MCM9: variants seen among roughly 807,000 people sequenced by gnomAD.
MCM9 encodes DNA helicase MCM9.
In MCM9, 55 loss-of-function variants were observed where a neutral mutation model predicts 72.8. The ratio of observed to expected loss-of-function variants is 0.76; its 90% CI spans 0.61 to 0.95. The LOEUF is 0.95. Among genes scored for constraint, MCM9 ranks in the 40% least tolerant of loss-of-function variants. The pLI is 0.00. For synonymous variants in MCM9, 480 were observed against 503.4 expected (o/e 0.95, Z 0.62); for missense variants, 1,279 against 1,377.0 (o/e 0.93, Z 1.13).
chr6:118,874,015 G>C (rs1045856391), intron 8 of MCM9, among the ~76,000 whole-genome samples: 10 of 152,168 alleles, frequency 6.6e-5, no homozygotes, highest in Non-Finnish European at 1.3e-4. Flanking sequence ...AGCATTTTGG[G>C]AGCAAAGGTG....
At chr6:118,915,692 C>A (rs982641613) in intron 6 of MCM9, among the ~76,000 whole-genome samples, 1 of 152,174 alleles carries the variant, frequency 6.6e-6, no homozygotes, top group East Asian at 1.9e-4. Flanking sequence ...ACACACTCAC[C>A]AACACTCTGA....
At chr6:118,837,767 T>G (rs1185133905) in intron 9 of MCM9, among the ~76,000 whole-genome samples, 2 of 152,204 alleles carry the variant, frequency 1.3e-5, no homozygotes, top group Non-Finnish European at 2.9e-5. Context: ...GCACGTGAGA[T>G]GGGTCTCCTG....
At chr6:118,930,705 CTTCTCTT>C (rs1782350535) in intron 3 of MCM9, among the ~76,000 whole-genome samples, 1 of 152,198 alleles carries the variant, frequency 6.6e-6, no homozygotes, top group South Asian at 2.1e-4. Context: ...AAATCCAATT[CTTCTCTT>C]TCGCCACACT....
At chr6:118,887,836 C>T (rs1487956933) in intron 8 of MCM9, among the ~76,000 whole-genome samples, 1 of 152,046 alleles carries the variant, frequency 6.6e-6, no homozygotes, top group Non-Finnish European at 1.5e-5. Context: ...TGGTGGCATG[C>T]TCCTGTAGTT....
chr6:118,841,369 C>A (rs560318029), intron 9 of MCM9, among the ~76,000 whole-genome samples: 1 of 152,146 alleles, frequency 6.6e-6, no homozygotes, highest in Non-Finnish European at 1.5e-5. Flanking sequence ...TTCTCCCTGC[C>A]TCTCTCTCCT....
chr6:118,819,727 T>G (rs535517710), intron 13 of MCM9, among the ~76,000 whole-genome samples: 51 of 152,322 alleles, frequency 3.3e-4, no homozygotes, highest in African/African-American at 1.2e-3. Context: ...CTGGTAGAAT[T>G]TGGCTGTGAA....
intron 11 of MCM9, among the ~76,000 whole-genome samples, chr6:118,827,323 T>C (rs542196686): frequency 3.5e-4 from 53 of 152,320 alleles, no homozygotes; most frequent in African/African-American, 1.2e-3. Context: ...AAAAAGAAAG[T>C]CCATTTGTTT....
At chr6:118,895,252 C>T (rs1383559578) in intron 8 of MCM9, among the ~76,000 whole-genome samples, 1 of 151,978 alleles carries the variant, frequency 6.6e-6, no homozygotes, top group African/African-American at 2.4e-5. Flanking sequence ...TTCGGCCGGT[C>T]CTCCTCGGCC....
chr6:118,894,241 A>G, intron 8 of MCM9: 12 of 1,443,516 alleles, frequency 8.3e-6, no homozygotes, highest in Non-Finnish European at 1.1e-5. Context: ...GCTGCAAAAC[A>G]CTGTGGAGTG....
rs367896634 is a variant in MCM9, at chr6:118,924,037, C to T, written c.395G>A (p.Arg132Gln). Residue 132 changes from arginine (R) to glutamine (Q), a missense_variant, in exon 4 of 14, where the codon CGA (arginine) becomes CAA (glutamine). By Grantham distance (43) the Arg-to-Gln change is conservative. Coordinates refer to ENST00000619706, the MANE Select transcript of MCM9 (RefSeq NM_017696.3). ...CTCCAGAACCTTCACCAGACTTGTT[C>T]GAATCACTGTCCCAGTGACAGATAA... ...HFLSVTGTVIRTSLVKVLEFE... is the reference protein window; with the variant it reads ...HFLSVTGTVIQTSLVKVLEFE... The T allele has an allele frequency of 6.1e-5, 98 of 1,614,178 alleles. 2 individuals carry two copies. The East Asian group carries it at 6.5e-4, about 11-fold the overall frequency.
chr6:118,843,722 A>G (rs74210029), intron 9 of MCM9, among the ~76,000 whole-genome samples: 15,767 of 80,950 alleles, frequency 0.19, 1,715 homozygotes, highest in African/African-American at 0.22. Context: ...ATATATATGT[A>G]TATATATATA....
At chr6:118,878,870 A>G (rs1778105441) in intron 8 of MCM9, among the ~76,000 whole-genome samples, 1 of 152,174 alleles carries the variant, frequency 6.6e-6, no homozygotes, top group Non-Finnish European at 1.5e-5. Context: ...CAGCCTGGGC[A>G]ACATGACAAA....
At chr6:118,887,126 G>T (rs143211730) in intron 8 of MCM9, among the ~76,000 whole-genome samples, 1 of 152,142 alleles carries the variant, frequency 6.6e-6, no homozygotes, top group African/African-American at 2.4e-5. Flanking sequence ...CTTCTTTGCA[G>T]AATTGATAGA....
At position 118,867,879 on chromosome 6, in the gene MCM9, C is replaced by CTTTTTTTTTT. The variant is rs1554258631; in HGVS notation, c.1151-11335_1151-11334insAAAAAAAAAA. On this transcript the variant is annotated intron_variant, in intron 8 of 13. Coordinates refer to ENST00000619706, the MANE Select transcript of MCM9 (RefSeq NM_017696.3). ...TTAATTATATTTCTTTTTTCTTTTT[C>CTTTTTTTTTT]TTTTTCTTTTTTTTTGAGATGAAGT... Among the ~76,000 whole-genome samples, 277 of 137,454 alleles carry CTTTTTTTTTT rather than the reference C, an allele frequency of 2.0e-3. 14 individuals carry two copies. Among genetic ancestry groups the CTTTTTTTTTT allele is most frequent in the Non-Finnish European group, 3.1e-3 (197 of 64,448 alleles). The allele number at this position is 137,454 out of a possible 152,430, so 90.2% of individuals were successfully genotyped here. A position where few individuals can be genotyped will look rare whatever the true frequency, so the allele number is the denominator to read the frequency against.
chr6:118,876,830 G>A (rs888728428), intron 8 of MCM9, among the ~76,000 whole-genome samples: 12 of 152,082 alleles, frequency 7.9e-5, no homozygotes, highest in Non-Finnish European at 4.4e-5. Flanking sequence ...CTGAAAAACT[G>A]AGCAAAAAAG....
chr6:118,881,431 T>C (rs1234759496), intron 8 of MCM9, among the ~76,000 whole-genome samples: 2 of 152,204 alleles, frequency 1.3e-5, no homozygotes, highest in African/African-American at 4.8e-5. Context: ...GTAGTTTGTT[T>C]GTATCCTATG....
intron 5 of MCM9, chr6:118,919,757 GC>G (rs1324807307): frequency 3.9e-5 from 6 of 152,106 alleles, no homozygotes; most frequent in Non-Finnish European, 7.4e-5. Context: ...GTCTCTCTGT[GC>G]CCCTATATCA....
chr6:118,878,664 T>C (rs2114370997), intron 8 of MCM9, among the ~76,000 whole-genome samples: 1 of 152,162 alleles, frequency 6.6e-6, no homozygotes, highest in East Asian at 1.9e-4. Context: ...AATTAAAAAG[T>C]TGGTAATAAC....
At chr6:118,905,879 A>G (rs1432142375) in intron 8 of MCM9, 3 of 1,386,142 alleles carry the variant, frequency 2.2e-6, no homozygotes, top group Non-Finnish European at 2.9e-6. Flanking sequence ...CAATTTTTAA[A>G]GCAGTTGCTA....
Sources: allele counts gnomAD v4.1 joint callset (sites outside exome capture counted in the v4.1 genomes callset), GRCh38; gene constraint gnomAD v4.1.1; transcripts MANE v1.5; gene names NCBI Gene and HGNC (gene_info 2026-07-23, HGNC 2026-07-21).